The following STK3 variants were observed in gnomAD, a reference collection of about 807,000 sequenced individuals.
The protein encoded by STK3 is serine/threonine-protein kinase 3.
In STK3, 41 loss-of-function variants were observed where a neutral mutation model predicts 58.0. The ratio of observed to expected loss-of-function variants is 0.71; its 90% CI spans 0.55 to 0.92. The LOEUF is 0.92. Ranked by LOEUF, STK3 falls within the 40% of genes least tolerant of loss-of-function variation. The probability of loss-of-function intolerance (pLI) is 0.00; values close to 1 mark genes in which losing one functional copy is unlikely to be tolerated. For synonymous variants in STK3, 170 were observed against 191.0 expected (o/e 0.89, Z 0.91); for missense variants, 479 against 602.7 (o/e 0.79, Z 2.15).
intron 1 of STK3, among the ~76,000 whole-genome samples, chr8:98,777,472 T>C (rs1020872338): frequency 3.9e-5 from 6 of 152,162 alleles, no homozygotes; most frequent in African/African-American, 1.4e-4. Flanking sequence ...ATCACGCCAC[T>C]GCACTCCAGC....
At chr8:98,372,557 T>C (rs1026946794) in intron 2 of STK3, among the ~76,000 whole-genome samples, 1 of 151,342 alleles carries the variant, frequency 6.6e-6, no homozygotes, top group Admixed American at 6.6e-5. Flanking sequence ...TTTTTTCCCC[T>C]TAACTCTTGG....
intron 1 of STK3, among the ~76,000 whole-genome samples, chr8:98,923,184 AT>A (rs1839638869): frequency 1.3e-5 from 2 of 152,274 alleles, no homozygotes; most frequent in Admixed American, 6.5e-5. Context: ...CTTACAGTCA[AT>A]GACCCATGTT....
chr8:98,551,305 T>C (rs766697494), intron 8 of STK3, among the ~76,000 whole-genome samples: 10 of 152,182 alleles, frequency 6.6e-5, no homozygotes, highest in African/African-American at 1.7e-4. Flanking sequence ...TTGCAAGCAA[T>C]TGTTTTGCAA....
In STK3 at chr8:98,455,755, C is replaced by T. The variant is rs535601918; in HGVS notation, c.*87G>A. 231 of 1,522,822 alleles carry T rather than the reference C, an allele frequency of 1.5e-4. 2 individuals are homozygous for T. In the African/African-American group the frequency reaches 3.0e-3, roughly 20 times the overall value. The allele number at this position is 1,522,822 out of a possible 1,614,324, so 94.3% of individuals were successfully genotyped here. A position where few individuals can be genotyped will look rare whatever the true frequency, so the allele number is the denominator to read the frequency against. On this transcript the variant is annotated 3_prime_UTR_variant, in exon 11 of 11. Transcript: ENST00000419617. ...CCTCTGCCTAATTGTAGGGCAAAAT[C>T]TTAGGATTAAAAATATCCAAATATT... is the stretch of plus-strand genomic sequence containing the variant.
In STK3 at chr8:98,765,783, T is replaced by G. The variant is rs570078742; in HGVS notation, c.236+1460A>C. Among the ~76,000 whole-genome samples, 3 of 152,324 alleles carry G rather than the reference T, an allele frequency of 2.0e-5. No individual in the cohort carries two copies. The South Asian group carries it at 6.2e-4, about 32-fold the overall frequency. On this transcript the variant is annotated intron_variant, in intron 3 of 10. Transcript: ENST00000419617. ...CTTTGTTGCTGCTGTACTAGCAGAC[T>G]TTTTGTTAAGGGAGAATAATAAATC...
intron 3 of STK3, among the ~76,000 whole-genome samples, chr8:98,834,864 A>T (rs935941853): frequency 6.6e-5 from 10 of 152,246 alleles, no homozygotes; most frequent in African/African-American, 2.4e-4. Flanking sequence ...TATAGAGTTT[A>T]CTCCAGCCCA....
chr8:98,898,097 A>G (rs1392766745), intron 1 of STK3, among the ~76,000 whole-genome samples: 1 of 152,202 alleles, frequency 6.6e-6, no homozygotes, highest in Admixed American at 6.5e-5. Flanking sequence ...GTTTGCTAGG[A>G]GAAGAAGCAC....
chr8:98,915,152 G>A (rs1839295517), intron 1 of STK3, among the ~76,000 whole-genome samples: 1 of 152,024 alleles, frequency 6.6e-6, no homozygotes, highest in African/African-American at 2.4e-5. Flanking sequence ...GTTGCCAAAG[G>A]AGATAAACAT....
intron 3 of STK3, among the ~76,000 whole-genome samples, chr8:98,404,428 C>T (rs1289034070): frequency 6.6e-6 from 1 of 152,208 alleles, no homozygotes; most frequent in East Asian, 1.9e-4. Context: ...CGCCTGTAAC[C>T]CCAGCACTTT....
intron 6 of STK3, chr8:98,633,629 A>G (rs1369537528): frequency 4.1e-6 from 3 of 733,186 alleles, no homozygotes; most frequent in Non-Finnish European, 7.6e-6. Flanking sequence ...TTGGTGTTAC[A>G]GCAGTGGCGT....
At chr8:98,695,704 A>G (rs1824849530) in intron 6 of STK3, among the ~76,000 whole-genome samples, 1 of 151,988 alleles carries the variant, frequency 6.6e-6, no homozygotes, top group Admixed American at 6.6e-5. Context: ...CCATTGATCT[A>G]TATCTCTGTT....
At chr8:98,795,115 T>C (rs1301569097) in intron 1 of STK3, among the ~76,000 whole-genome samples, 1 of 97,934 alleles carries the variant, frequency 1.0e-5, no homozygotes, top group African/African-American at 4.2e-5. Context: ...TATATATATA[T>C]ATATATATAT....
At position 98,809,526 on chromosome 8, in the gene STK3, G is replaced by T. The variant is rs144778743; in HGVS notation, c.26+15989C>A. On this transcript the variant is annotated intron_variant, in intron 1 of 10. Coordinates refer to ENST00000419617, the MANE Select transcript of STK3 (RefSeq NM_006281.4). ...CCATTTTCCACTTCCCCATAGTCCCGTGTAACCACTATTCTACTTTCTGTT... is the reference window on the plus strand; with the variant it reads ...CCATTTTCCACTTCCCCATAGTCCCTTGTAACCACTATTCTACTTTCTGTT... Among the ~76,000 whole-genome samples the T allele has an allele frequency of 8.7e-3, 1,321 of 152,220 alleles. 12 individuals are homozygous for T. The highest frequency in any genetic ancestry group is 0.03 in the African/African-American group (1,244 of 41,538).
chr8:98,476,008 C>T (rs1821284254), intron 10 of STK3, among the ~76,000 whole-genome samples: 1 of 152,112 alleles, frequency 6.6e-6, no homozygotes, highest in South Asian at 2.1e-4. Context: ...CTATAAATTC[C>T]ATCTAGGCCT....
At chr8:98,706,681 G>A (rs1317751999) in intron 5 of STK3, 47 bp from the exon 6 acceptor site, 2 of 1,464,590 alleles carry the variant, frequency 1.4e-6, no homozygotes, top group Non-Finnish European at 1.8e-6. Context: ...AAAGCACAAA[G>A]GAAATCTGTA....
intron 1 of STK3, among the ~76,000 whole-genome samples, chr8:98,823,407 C>T (rs375826666): frequency 1.2e-3 from 189 of 152,218 alleles, no homozygotes; most frequent in African/African-American, 4.3e-3. Context: ...AAAAGAGGAC[C>T]ACTACATCAT....
chr8:98,658,604 C>G (rs1416040207), intron 6 of STK3, among the ~76,000 whole-genome samples: 1 of 152,004 alleles, frequency 6.6e-6, no homozygotes, highest in Non-Finnish European at 1.5e-5. Flanking sequence ...CTCTTTGACT[C>G]TTTCTTGCTG....
At chr8:98,817,605 C>T (rs1395835826) in intron 1 of STK3, among the ~76,000 whole-genome samples, 1 of 152,126 alleles carries the variant, frequency 6.6e-6, no homozygotes, top group Non-Finnish European at 1.5e-5. Flanking sequence ...GATATCCAAA[C>T]CTGTTCTCCC....
chr8:98,699,440 GC>G (rs1563904889), intron 6 of STK3, among the ~76,000 whole-genome samples: 1 of 152,026 alleles, frequency 6.6e-6, no homozygotes, highest in African/African-American at 2.4e-5. Flanking sequence ...GAGGCACTCT[GC>G]TTTTTAGAGT....
Sources: allele counts gnomAD v4.1 joint callset (sites outside exome capture counted in the v4.1 genomes callset), GRCh38; gene constraint gnomAD v4.1.1; transcripts MANE v1.5; gene names NCBI Gene and HGNC (gene_info 2026-07-23, HGNC 2026-07-21).